Variants in BTBD9 observed in about 807,000 individuals in gnomAD.
BTBD9 encodes the protein BTB/POZ domain-containing protein 9.
Under a neutral mutation model 64.3 loss-of-function variants are expected in BTBD9, and 49 were observed. The observed-to-expected ratio is 0.76, with a 90% CI of 0.61 to 0.97. The LOEUF (loss-of-function observed/expected upper bound fraction) is 0.97. Ranked by LOEUF, BTBD9 falls within the 50% of genes least tolerant of loss-of-function variation. The pLI is 0.00. For synonymous variants in BTBD9, 260 were observed against 274.7 expected, an observed-to-expected ratio of 0.95 and a Z score of 0.53; for missense variants, 598 against 762.1, an observed-to-expected ratio of 0.78 and a Z score of 2.53.
At chr6:38,282,520 ATCCC>A (rs1217204856) in intron 8 of BTBD9, among the ~76,000 whole-genome samples, 35 of 152,276 alleles carry the variant, frequency 2.3e-4, no homozygotes, top group African/African-American at 7.5e-4. Context: ...GGGCCTCCCC[ATCCC>A]TGCCCCTCCT....
At chr6:38,287,106 A>AAAAC (rs1761761431) in intron 8 of BTBD9, among the ~76,000 whole-genome samples, 1 of 114,098 alleles carries the variant, frequency 8.8e-6, no homozygotes, top group African/African-American at 3.6e-5. Flanking sequence ...AAAAAAAAAA[A>AAAAC]TATACACACA....
chr6:38,320,513 G>A (rs1488371968), intron 7 of BTBD9, among the ~76,000 whole-genome samples: 1 of 152,060 alleles, frequency 6.6e-6, no homozygotes, highest in Non-Finnish European at 1.5e-5. Context: ...CCCAGCTTCT[G>A]CTTGAAAGTC....
intron 6 of BTBD9, among the ~76,000 whole-genome samples, chr6:38,425,534 T>TCTA (rs1768105452): frequency 6.6e-6 from 1 of 151,918 alleles, no homozygotes; most frequent in African/African-American, 2.4e-5. Flanking sequence ...GCTCTGAGAT[T>TCTA]CTACGTGTAA....
At chr6:38,636,679 G>C (rs1778537960) in intron 1 of BTBD9, among the ~76,000 whole-genome samples, 1 of 152,100 alleles carries the variant, frequency 6.6e-6, no homozygotes, top group Admixed American at 6.5e-5. Flanking sequence ...AATGCAATCT[G>C]CACACGAACT....
chr6:38,189,627 A>G (rs1761964903), intron 10 of BTBD9, among the ~76,000 whole-genome samples: 1 of 151,178 alleles, frequency 6.6e-6, no homozygotes, highest in South Asian at 2.1e-4. Context: ...GGTAACTGGG[A>G]CTATAGGTGC....
intron 6 of BTBD9, among the ~76,000 whole-genome samples, chr6:38,407,552 T>C (rs957396057): frequency 3.9e-5 from 6 of 152,134 alleles, no homozygotes; most frequent in Admixed American, 1.3e-4. Flanking sequence ...AGCTGGGGTT[T>C]TGAAGAATTC....
intron 6 of BTBD9, among the ~76,000 whole-genome samples, chr6:38,387,987 A>G (rs1479484204): frequency 6.6e-6 from 1 of 152,194 alleles, no homozygotes; most frequent in African/African-American, 2.4e-5. Flanking sequence ...GGATATACCA[A>G]TTCTACCTTC....
At chr6:38,580,521 A>C in intron 4 of BTBD9, 84 bp from the exon 5 acceptor site, 1 of 1,110,204 alleles carries the variant, frequency 9.0e-7, no homozygotes, top group Non-Finnish European at 1.3e-6. Context: ...CTAGCATTCC[A>C]GTTTATTCTA....
At chr6:38,383,969 G>C (rs1766048713) in intron 6 of BTBD9, among the ~76,000 whole-genome samples, 1 of 152,020 alleles carries the variant, frequency 6.6e-6, no homozygotes, top group African/African-American at 2.4e-5. Context: ...TTGGATAGCT[G>C]ACAAGCTGCA....
chr6:38,374,292 T>TAC (rs60357302), intron 6 of BTBD9, among the ~76,000 whole-genome samples: 1 of 77,506 alleles, frequency 1.3e-5, no homozygotes, highest in Non-Finnish European at 2.2e-5. Context: ...AGTATATATA[T>TAC]ATATGTATAT....
At chr6:38,569,758 A>G (rs1362364426) in intron 6 of BTBD9, among the ~76,000 whole-genome samples, 1 of 152,154 alleles carries the variant, frequency 6.6e-6, no homozygotes, top group East Asian at 1.9e-4. Flanking sequence ...CAAAGGTCTT[A>G]CTGAATATAA....
intron 6 of BTBD9, among the ~76,000 whole-genome samples, chr6:38,385,641 A>C (rs1222681423): frequency 3.3e-5 from 5 of 152,208 alleles, no homozygotes; most frequent in African/African-American, 1.2e-4. Flanking sequence ...TAGAGTGCTC[A>C]AATAAATGGG....
At chr6:38,282,416 A>G (rs1288926563) in intron 8 of BTBD9, among the ~76,000 whole-genome samples, 4 of 152,192 alleles carry the variant, frequency 2.6e-5, no homozygotes, top group African/African-American at 4.8e-5. Flanking sequence ...TTCCTGTTAA[A>G]TGGTAAGTTA....
chr6:38,401,743 C>T (rs1766936461), intron 6 of BTBD9, among the ~76,000 whole-genome samples: 1 of 152,212 alleles, frequency 6.6e-6, no homozygotes, highest in African/African-American at 2.4e-5. Flanking sequence ...GACCTGGGTT[C>T]AAGTTCCAGC....
rs60618390 is a variant in BTBD9 at position 38,287,082 on chromosome 6, CA to C, written c.1454+1189del. Among the ~76,000 whole-genome samples, 55 of 25,364 alleles carry C rather than the reference CA, an allele frequency of 2.2e-3. 1 individual carries two copies. The highest frequency in any genetic ancestry group is 0.017 in the South Asian group (6 of 354). The allele number at this position is 25,364 out of a possible 152,430, so 16.6% of individuals were successfully genotyped here. ...GGGTGACAATAGTGAGGCTCCATCT[CA>C]AAAAAAAAAAAAAAAAAAAAAAATA... On this transcript the variant is annotated intron_variant, in intron 8 of 10. Transcript: ENST00000481247.
chr6:38,495,666 T>C (rs1771922317), intron 6 of BTBD9, among the ~76,000 whole-genome samples: 2 of 148,750 alleles, frequency 1.3e-5, no homozygotes, highest in South Asian at 4.2e-4. Context: ...CAGAACTCTA[T>C]ACAGCAGTTA....
chr6:38,505,456 C>T (rs986886992), intron 6 of BTBD9, among the ~76,000 whole-genome samples: 7 of 151,982 alleles, frequency 4.6e-5, no homozygotes. Context: ...GAAACCCCAC[C>T]TCTATTAAAA....
intron 6 of BTBD9, among the ~76,000 whole-genome samples, chr6:38,391,633 C>CTT (rs11350619): frequency 2.8e-5 from 4 of 141,166 alleles, no homozygotes; most frequent in Admixed American, 7.0e-5. Flanking sequence ...GCTTGTTTTT[C>CTT]TTTTTTTTTT....
chr6:38,464,484 A>AGTTTT (rs1770251316), intron 6 of BTBD9, among the ~76,000 whole-genome samples: 1 of 120,456 alleles, frequency 8.3e-6, no homozygotes, highest in South Asian at 3.0e-4. Context: ...TATTGTCTAT[A>AGTTTT]ATTTTCTTTT....
Sources: gnomAD v4.1 joint callset for allele counts (sites outside exome capture counted in the v4.1 genomes callset) on GRCh38, gnomAD v4.1.1 for gene constraint, MANE v1.5 for transcripts, NCBI Gene and HGNC (gene_info 2026-07-23, HGNC 2026-07-21) for gene names.